CDH2: variants seen among roughly 807,000 people sequenced by gnomAD.
The protein encoded by CDH2 is cadherin-2.
A neutral mutation model predicts 92.0 loss-of-function variants in CDH2; 17 were observed. The ratio of observed to expected loss-of-function variants is 0.18; its 90% CI spans 0.13 to 0.28. CDH2 has a LOEUF of 0.28. Among genes scored for constraint, CDH2 ranks in the 10% least tolerant of loss-of-function variants. The probability of loss-of-function intolerance (pLI) is 1.00; values close to 1 mark genes in which losing one functional copy is unlikely to be tolerated. For missense variants in CDH2, 862 were observed against 1,133.1 expected, an observed-to-expected ratio of 0.76 and a Z score of 3.44; for synonymous variants, 419 against 415.9, an observed-to-expected ratio of 1.01 and a Z score of -0.09.
rs138648411 is a variant in CDH2, at chr18:28,138,685, C to T, written c.172+8988G>A. Among the ~76,000 whole-genome samples, 589 of 152,122 alleles carry T rather than the reference C, an allele frequency of 3.9e-3. 7 individuals are homozygous for T. The highest frequency in any genetic ancestry group is 0.014 in the African/African-American group (572 of 41,512). ...TTTGCTTGTCTGTTGACCACTATTG[C>T]GCAGTTCCTTGAGAAAGGCCTGCCA... On this transcript the variant is annotated intron_variant, in intron 2 of 15. Transcript: ENST00000269141.
chr18:28,043,515 T>TATAA (rs1567976545), intron 2 of CDH2, among the ~76,000 whole-genome samples: 7 of 134,434 alleles, frequency 5.2e-5, no homozygotes, highest in African/African-American at 8.3e-5. Flanking sequence ...TATATATATA[T>TATAA]AAACAGGTTT....
At chr18:28,011,121 G>C (rs1417975967) in intron 4 of CDH2, among the ~76,000 whole-genome samples, 3 of 151,970 alleles carry the variant, frequency 2.0e-5, no homozygotes, top group Non-Finnish European at 4.4e-5. Context: ...CTTTCAGTAA[G>C]TATGTGTTAG....
intron 2 of CDH2, among the ~76,000 whole-genome samples, chr18:28,075,801 C>G (rs2014707567): frequency 6.6e-6 from 1 of 152,126 alleles, no homozygotes; most frequent in South Asian, 2.1e-4. Flanking sequence ...CTCTTAACAC[C>G]TTGACCACAG....
Position 28,150,430 on chromosome 18 carries a change from G to C in CDH2, c.61-2646C>G, listed in dbSNP as rs17536618. Among the ~76,000 whole-genome samples the C allele has an allele frequency of 4.2e-3, 638 of 152,314 alleles. 4 individuals are homozygous for C. Among genetic ancestry groups the C allele is most frequent in the African/African-American group, 0.015 (606 of 41,572 alleles). ...CCAGTGGATCTGCCCTAAGGCAGGA[G>C]AATCAGCGGCACCAAGTTCCTGGTC... On this transcript the variant is annotated intron_variant, in intron 1 of 15. Transcript: ENST00000269141.
chr18:28,054,224 T>C (rs1320022102), intron 2 of CDH2, among the ~76,000 whole-genome samples: 1 of 152,136 alleles, frequency 6.6e-6, no homozygotes, highest in African/African-American at 2.4e-5. Context: ...GCCAATTTCA[T>C]GCATAAGAAC....
intron 9 of CDH2, among the ~76,000 whole-genome samples, chr18:27,991,314 T>C (rs994532865): frequency 6.6e-6 from 1 of 152,170 alleles, no homozygotes; most frequent in Non-Finnish European, 1.5e-5. Context: ...GAAAGCTTCA[T>C]TATCAGCAGA....
At chr18:27,970,890 T>C (rs1478418898) in intron 14 of CDH2, among the ~76,000 whole-genome samples, 1 of 152,170 alleles carries the variant, frequency 6.6e-6, no homozygotes, top group Admixed American at 6.5e-5. Flanking sequence ...GCATGGTGCA[T>C]GGCCATGCTC....
intron 2 of CDH2, among the ~76,000 whole-genome samples, chr18:28,097,669 C>A (rs2015158989): frequency 1.3e-5 from 2 of 152,152 alleles, no homozygotes; most frequent in African/African-American, 4.8e-5. Flanking sequence ...AGCTTATATA[C>A]AAATACTATG....
At chr18:28,142,247 C>A (rs1227838752) in intron 2 of CDH2, among the ~76,000 whole-genome samples, 2 of 151,898 alleles carry the variant, frequency 1.3e-5, no homozygotes, top group East Asian at 3.9e-4. Flanking sequence ...CTGTGACTTG[C>A]TTTCTTTAAC....
chr18:28,135,378 A>T lies in CDH2; in HGVS notation c.172+12295T>A, dbSNP rs2015844519. ...CCTATTTTTTAATTATTGCTTAGGAAATAATAAATTATAATTGTTGTTTGA... is the reference window on the plus strand; with the variant it reads ...CCTATTTTTTAATTATTGCTTAGGATATAATAAATTATAATTGTTGTTTGA... On this transcript the variant is annotated intron_variant, in intron 2 of 15. Coordinates refer to ENST00000269141, the MANE Select transcript of CDH2 (RefSeq NM_001792.5). Among the ~76,000 whole-genome samples the T allele has an allele frequency of 2.6e-5, 4 of 152,196 alleles. No individual in the cohort carries two copies. In the South Asian group the frequency reaches 8.3e-4, roughly 31 times the overall value.
intron 2 of CDH2, among the ~76,000 whole-genome samples, chr18:28,106,412 A>C (rs926699220): frequency 2.0e-5 from 3 of 151,152 alleles, no homozygotes; most frequent in South Asian, 2.1e-4. Context: ...GTGAGATTGC[A>C]TTTCAAGAAA....
intron 7 of CDH2, among the ~76,000 whole-genome samples, chr18:28,002,529 TAAAGA>T (rs1368913743): frequency 1.3e-5 from 2 of 152,188 alleles, no homozygotes; most frequent in African/African-American, 4.8e-5. Flanking sequence ...CTAGTTCTAA[TAAAGA>T]AGATAATCTA....
At chr18:28,064,405 A>G (rs1212507461) in intron 2 of CDH2, among the ~76,000 whole-genome samples, 1 of 152,090 alleles carries the variant, frequency 6.6e-6, no homozygotes, top group Admixed American at 6.6e-5. Flanking sequence ...AGCTAGGACT[A>G]CAGGTGTGTA....
At chr18:28,150,141 G>A (rs1012817585) in intron 1 of CDH2, among the ~76,000 whole-genome samples, 1 of 152,188 alleles carries the variant, frequency 6.6e-6, no homozygotes, top group African/African-American at 2.4e-5. Context: ...CCACCAACAT[G>A]TTACGAGTCT....
At chr18:28,110,504 T>C (rs2015393513) in intron 2 of CDH2, among the ~76,000 whole-genome samples, 1 of 152,218 alleles carries the variant, frequency 6.6e-6, no homozygotes, top group South Asian at 2.1e-4. Context: ...CCAATTCTCA[T>C]TGCAAAAGCC....
chr18:28,063,742 A>G (rs547583703), intron 2 of CDH2, among the ~76,000 whole-genome samples: 1 of 152,216 alleles, frequency 6.6e-6, no homozygotes, highest in Non-Finnish European at 1.5e-5. Context: ...ATGTGACAGC[A>G]TAACTGTGTA....
At chr18:27,960,409 G>A (rs1598989547) in intron 15 of CDH2, among the ~76,000 whole-genome samples, 1 of 152,342 alleles carries the variant, frequency 6.6e-6, no homozygotes, top group South Asian at 2.1e-4. Flanking sequence ...GCATGAAATT[G>A]TAAGCTGAGA....
At chr18:28,006,714 T>C (rs1161436371) in intron 5 of CDH2, among the ~76,000 whole-genome samples, 14 of 109,942 alleles carry the variant, frequency 1.3e-4, no homozygotes, top group Admixed American at 7.5e-4. Flanking sequence ...TGGGACTCTG[T>C]CTCAAAAAAA....
chr18:27,960,644 C>T (rs566549641), intron 15 of CDH2, among the ~76,000 whole-genome samples: 25 of 152,264 alleles, frequency 1.6e-4, no homozygotes, highest in African/African-American at 5.8e-4. Context: ...ATGCTTTTAT[C>T]TATATATTAC....
Sources: allele counts gnomAD v4.1 joint callset (sites outside exome capture counted in the v4.1 genomes callset), GRCh38; gene constraint gnomAD v4.1.1; transcripts MANE v1.5; gene names NCBI Gene and HGNC (gene_info 2026-07-23, HGNC 2026-07-21).